Variants in DOCK7 observed in about 807,000 individuals in gnomAD.
DOCK7 encodes dedicator of cytokinesis protein 7.
In DOCK7, 138 loss-of-function variants were observed where a neutral mutation model predicts 271.0. The ratio of observed to expected loss-of-function variants is 0.51; its 90% CI spans 0.44 to 0.59. DOCK7 has a LOEUF of 0.59. Ranked by LOEUF, DOCK7 falls within the 20% of genes least tolerant of loss-of-function variation. The pLI is 0.00. For missense variants in DOCK7, 2,066 were observed against 2,592.4 expected, an observed-to-expected ratio of 0.80 and a Z score of 4.41; for synonymous variants, 823 against 876.1, an observed-to-expected ratio of 0.94 and a Z score of 1.07.
chr1:62,653,583 T>TAC, intron 4 of DOCK7, 142 bp downstream of exon 4: 1 of 609,594 alleles, frequency 1.6e-6, no homozygotes. Flanking sequence ...AGTAAATATC[T>TAC]ATACACAAAA....
At chr1:62,685,582 A>G (rs1459898482) in intron 1 of DOCK7, among the ~76,000 whole-genome samples, 1 of 151,990 alleles carries the variant, frequency 6.6e-6, no homozygotes, top group East Asian at 1.9e-4. Context: ...TAACTCTCAA[A>G]TCTAGATCTC....
intron 14 of DOCK7, among the ~76,000 whole-genome samples, chr1:62,596,141 C>G (rs1649207529): frequency 6.6e-6 from 1 of 151,974 alleles, no homozygotes; most frequent in Admixed American, 6.6e-5. Flanking sequence ...TTGAGCACTA[C>G]CTGTTTGCCC....
chr1:62,561,541 A>G, intron 19 of DOCK7, 76 bp downstream of exon 19: 1 of 835,762 alleles, frequency 1.2e-6, no homozygotes, highest in Non-Finnish European at 1.7e-6. Context: ...AGGTAACAAA[A>G]CTGACATCAC....
chr1:62,475,295 C>T lies in DOCK7; in HGVS notation c.6018G>A (p.Glu2006=), dbSNP rs143414077. 196 of 1,613,992 alleles carry T rather than the reference C, an allele frequency of 1.2e-4. No homozygotes were observed. The highest frequency in any genetic ancestry group is 8.3e-4 in the African/African-American group (62 of 75,016). ...GATCCTGATGTGTTGCAAATGCCAACTCCTGTGTCTTTTTCTGCATGTCCT... is the reference window on the plus strand; with the variant it reads ...GATCCTGATGTGTTGCAAATGCCAATTCCTGTGTCTTTTTCTGCATGTCCT... ...AIEDMQKKTQ[E]LAFATHQDPA... The change falls in exon 47 of 50, where the codon GAG becomes GAA. Residue 2006 remains glutamate (E), a synonymous_variant. Coordinates refer to ENST00000635253, the MANE Select transcript of DOCK7 (RefSeq NM_001367561.1).
Position 62,577,751 on chromosome 1 carries a change from T to C in DOCK7, c.2011-388A>G, listed in dbSNP as rs148525002. Among the ~76,000 whole-genome samples, 732 of 152,298 alleles carry C rather than the reference T, an allele frequency of 4.8e-3. 5 individuals are homozygous for C. Among genetic ancestry groups the C allele is most frequent in the Middle Eastern group, 0.01 (3 of 294 alleles). ...GAAACAAAAAGTATGATCATAAATT[T>C]ATTTTCTTACAGTTAGAGCAAAACT... On this transcript the variant is annotated intron_variant, in intron 17 of 49. Coordinates refer to ENST00000635253, the MANE Select transcript of DOCK7 (RefSeq NM_001367561.1).
At chr1:62,604,920 T>C (rs1278589202) in intron 14 of DOCK7, 5 of 1,248,638 alleles carry the variant, frequency 4.0e-6, no homozygotes, top group Non-Finnish European at 3.4e-6. Context: ...GCTTGAGAAA[T>C]AGATTTTTTT....
Position 62,553,348 on chromosome 1 carries a change from ATATATATTTTTTT to A in DOCK7, c.2597-460_2597-448del, listed in dbSNP as rs1646009232. On this transcript the variant is annotated intron_variant, in intron 21 of 49. Coordinates refer to ENST00000635253, the MANE Select transcript of DOCK7 (RefSeq NM_001367561.1). ...TATATATATATATATATATATATATATATATATTTTTTTTTTTTTTTTTTTTTTTTTTTTTTTA... is the reference window on the plus strand; with the variant it reads ...TATATATATATATATATATATATATATTTTTTTTTTTTTTTTTTTTTTTTA... Among the ~76,000 whole-genome samples, 90 of 22,618 alleles carry A rather than the reference ATATATATTTTTTT, an allele frequency of 4.0e-3. 5 individuals are homozygous for A. The highest frequency in any genetic ancestry group is 0.019 in the African/African-American group (90 of 4,730). The allele number at this position is 22,618 out of a possible 152,430, so 14.8% of individuals were successfully genotyped here.
chr1:62,641,187 C>A (rs1303815810), intron 7 of DOCK7: 1 of 354,374 alleles, frequency 2.8e-6, no homozygotes, highest in Non-Finnish European at 5.4e-6. Context: ...GTTCTTTTGG[C>A]CTGTTTCTAT....
At chr1:62,556,081 T>G in intron 20 of DOCK7, 92 bp from the exon 21 acceptor site, 1 of 1,256,626 alleles carries the variant, frequency 8.0e-7, no homozygotes, top group Non-Finnish European at 1.1e-6. Flanking sequence ...TTTGCATACT[T>G]TAAGTATAGT....
At chr1:62,680,419 T>TA in intron 1 of DOCK7, among the ~76,000 whole-genome samples, 1 of 152,034 alleles carries the variant, frequency 6.6e-6, no homozygotes, top group East Asian at 1.9e-4. Context: ...ATGTTAAACC[T>TA]AAAACCATAA....
chr1:62,635,118 A>G (rs1655099885), intron 8 of DOCK7, 196 bp from the exon 9 acceptor site: 1 of 375,010 alleles, frequency 2.7e-6, no homozygotes, highest in Non-Finnish European at 4.7e-6. Flanking sequence ...AAAAACATTC[A>G]TGTTAAATAA....
intron 7 of DOCK7, among the ~76,000 whole-genome samples, chr1:62,644,135 C>T (rs1656357664): frequency 6.6e-6 from 1 of 152,046 alleles, no homozygotes; most frequent in East Asian, 1.9e-4. Context: ...ATTTTAAGGC[C>T]TATATTTTTA....
rs1644561757 is a variant in DOCK7, at chr1:62,513,478, T to C, written c.4248A>G (p.Gly1416=). ...AAGCTATTGTGTACGTACCGAGCTG[T>C]CCTCGGCTTCGCCGTACCATTTCTT... ...ARQEMVRRSR[G]QLGTYTIASP... Residue 1416 remains glycine (G), a synonymous_variant, in exon 33 of 50, where the codon GGA becomes GGG. Transcript: ENST00000635253. 1 of 1,613,432 alleles carries C rather than the reference T, an allele frequency of 6.2e-7. No homozygotes were observed. The highest frequency in any genetic ancestry group is 1.3e-5 in the African/African-American group (1 of 74,872).
chr1:62,558,229 G>GT (rs942243527), intron 20 of DOCK7, among the ~76,000 whole-genome samples: 1 of 151,996 alleles, frequency 6.6e-6, no homozygotes, highest in Non-Finnish European at 1.5e-5. Context: ...GTTTCATGCT[G>GT]TTTAATCTCC....
chr1:62,625,860 C>G (rs1653887022), intron 11 of DOCK7, among the ~76,000 whole-genome samples: 2 of 152,116 alleles, frequency 1.3e-5, no homozygotes, highest in African/African-American at 4.8e-5. Flanking sequence ...AAATAGAATA[C>G]TTGCACAAAA....
intron 1 of DOCK7, among the ~76,000 whole-genome samples, chr1:62,665,714 C>CAAAAA (rs59439795): frequency 4.6e-5 from 2 of 43,096 alleles, no homozygotes; most frequent in East Asian, 7.9e-4. Flanking sequence ...GACTCCATCT[C>CAAAAA]AAAAAAAAAA....
intron 29 of DOCK7, among the ~76,000 whole-genome samples, chr1:62,533,088 T>G (rs992754075): frequency 6.6e-6 from 1 of 152,194 alleles, no homozygotes; most frequent in Non-Finnish European, 1.5e-5. Context: ...TCTGGGGGTT[T>G]ATCCGTTCGG....
At position 62,578,781 on chromosome 1, in the gene DOCK7, C is replaced by T. The variant is rs150359588; in HGVS notation, c.2010+47G>A. The T allele has an allele frequency of 3.1e-4, 432 of 1,380,730 alleles. 2 individuals carry two copies. In the African/African-American group the frequency reaches 6.3e-3, roughly 20 times the overall value. 85.5% of individuals were successfully genotyped at this position (1,380,730 alleles called of 1,614,324 possible). A position where few individuals can be genotyped will look rare whatever the true frequency, so the allele number is the denominator to read the frequency against. ...AATATCAATTATATCTTAAATATCA[C>T]CATTATTTTAGCTCTTTGATCTAAA... is the stretch of plus-strand genomic sequence containing the variant. On this transcript the variant is annotated intron_variant, in intron 17 of 49. Coordinates refer to ENST00000635253, the MANE Select transcript of DOCK7 (RefSeq NM_001367561.1).
intron 49 of DOCK7, among the ~76,000 whole-genome samples, chr1:62,457,272 A>G (rs143451700): frequency 1.2e-3 from 183 of 152,306 alleles, no homozygotes; most frequent in African/African-American, 4.0e-3. Flanking sequence ...CCCTAATCCA[A>G]AATTCTGAAA....
Sources: allele counts gnomAD v4.1 joint callset (sites outside exome capture counted in the v4.1 genomes callset), GRCh38; gene constraint gnomAD v4.1.1; transcripts MANE v1.5; gene names NCBI Gene and HGNC (gene_info 2026-07-23, HGNC 2026-07-21).